CDYL: variants seen among roughly 807,000 people sequenced by gnomAD.
CDYL encodes the protein chromodomain Y-like protein.
Under a neutral mutation model 47.3 loss-of-function variants are expected in CDYL, and 8 were observed. That is an observed-to-expected ratio of 0.17 (90% CI 0.10 to 0.31). The LOEUF (loss-of-function observed/expected upper bound fraction) is 0.31. Ranked by LOEUF, CDYL falls within the 10% of genes least tolerant of loss-of-function variation. CDYL has a pLI of 1.00. For synonymous variants in CDYL, 266 were observed against 265.0 expected (o/e 1.00, Z -0.04); for missense variants, 471 against 701.4 (o/e 0.67, Z 3.71).
intron 1 of CDYL, among the ~76,000 whole-genome samples, chr6:4,874,164 G>C (rs774645006): frequency 6.6e-6 from 1 of 151,754 alleles, no homozygotes. Context: ...GAGGTTAAAC[G>C]TTACTCATAT....
At chr6:4,796,581 G>A (rs763592349) in intron 1 of CDYL, among the ~76,000 whole-genome samples, 2 of 152,144 alleles carry the variant, frequency 1.3e-5, no homozygotes. Flanking sequence ...CTAGGCTTTA[G>A]ATGTATACAA....
intron 2 of CDYL, among the ~76,000 whole-genome samples, chr6:4,922,722 T>A (rs1250482915): frequency 2.0e-5 from 3 of 152,268 alleles, no homozygotes; most frequent in Admixed American, 1.3e-4. Flanking sequence ...GAATTGTTAC[T>A]GCTGCTGCAA....
intron 1 of CDYL, among the ~76,000 whole-genome samples, chr6:4,797,822 C>T (rs1438420298): frequency 6.6e-6 from 1 of 152,160 alleles, no homozygotes; most frequent in African/African-American, 2.4e-5. Context: ...CTTGTTTATC[C>T]ATTCGTCACT....
upstream of CDYL, among the ~76,000 whole-genome samples, chr6:4,775,892 C>A (rs1247244938): frequency 6.6e-6 from 1 of 150,466 alleles, no homozygotes; most frequent in Non-Finnish European, 1.5e-5. The surrounding 1 kb of genome is among the most constrained non-coding windows in gnomAD (Gnocchi z 7.0). Flanking sequence ...GAGGGAGGCG[C>A]GCGGTAGACG....
chr6:4,727,125 G>GT (rs762183284), intron 2 of CDYL, among the ~76,000 whole-genome samples: 4 of 152,074 alleles, frequency 2.6e-5, no homozygotes, highest in Non-Finnish European at 5.9e-5. Flanking sequence ...AACTCCAAAT[G>GT]TATCTCCACT....
At chr6:4,951,565 G>A (rs1758705316) in intron 5 of CDYL, among the ~76,000 whole-genome samples, 1 of 151,854 alleles carries the variant, frequency 6.6e-6, no homozygotes, top group Admixed American at 6.6e-5. Flanking sequence ...TCTCCACTGA[G>A]CCGTGTGAGG....
intron 2 of CDYL, among the ~76,000 whole-genome samples, chr6:4,895,996 C>CT (rs1372978461): frequency 6.6e-6 from 1 of 152,150 alleles, no homozygotes; most frequent in Non-Finnish European, 1.5e-5. Flanking sequence ...TTCCAAGGCC[C>CT]TCACCATCAT....
chr6:4,763,525 A>G (rs1758207194), intron 3 of CDYL, among the ~76,000 whole-genome samples: 1 of 151,516 alleles, frequency 6.6e-6, no homozygotes, highest in African/African-American at 2.4e-5. Context: ...TCCAGGAAAA[A>G]AATAAAAGTA....
At chr6:4,809,984 T>C (rs111515383) in intron 1 of CDYL, among the ~76,000 whole-genome samples, 8 of 151,358 alleles carry the variant, frequency 5.3e-5, no homozygotes, top group African/African-American at 7.3e-5. Flanking sequence ...TAGTCCTTGG[T>C]GATATTTTGT....
chr6:4,918,726 T>C (rs1757626508), intron 2 of CDYL, among the ~76,000 whole-genome samples: 1 of 151,920 alleles, frequency 6.6e-6, no homozygotes, highest in Admixed American at 6.5e-5. Context: ...CTCAGTGTTT[T>C]TAACTTTGAT....
intron 1 of CDYL, among the ~76,000 whole-genome samples, chr6:4,876,720 A>G (rs893939454): frequency 2.6e-5 from 4 of 152,160 alleles, no homozygotes; most frequent in South Asian, 2.1e-4. Flanking sequence ...TCATTATTCT[A>G]GAAACTTTTT....
At chr6:4,912,083 G>A (rs1757429961) in intron 2 of CDYL, among the ~76,000 whole-genome samples, 1 of 152,132 alleles carries the variant, frequency 6.6e-6, no homozygotes, top group Non-Finnish European at 1.5e-5. Context: ...ACATCCATAT[G>A]GAGCTGTAAA....
chr6:4,774,979 G>A (rs547841798), upstream of CDYL, among the ~76,000 whole-genome samples: 4 of 152,340 alleles, frequency 2.6e-5, no homozygotes, highest in South Asian at 8.3e-4. Flanking sequence ...CGTGGTGCTT[G>A]TTCCTGGGCG....
chr6:4,954,168 C>A lies in CDYL; in HGVS notation c.*112C>A. ...CTGAAACAAGCTCACCCGTAGCTTA[C>A]GCTTGGAAGCAGGACTGGGAACATC... On this transcript the variant is annotated 3_prime_UTR_variant, in exon 7 of 7. Transcript: ENST00000397588. The A allele has an allele frequency of 8.6e-7, 1 of 1,161,022 alleles. No homozygotes were observed. Among genetic ancestry groups the A allele is most frequent in the Non-Finnish European group, 1.2e-6 (1 of 839,960 alleles). 71.9% of individuals were successfully genotyped at this position (1,161,022 alleles called of 1,614,324 possible).
chr6:4,898,352 G>A (rs954362793), intron 2 of CDYL, among the ~76,000 whole-genome samples: 2 of 152,192 alleles, frequency 1.3e-5, no homozygotes, highest in Admixed American at 6.5e-5. Flanking sequence ...ACAGCAAACA[G>A]GCAATTAGAA....
intron 3 of CDYL, among the ~76,000 whole-genome samples, chr6:4,759,565 C>T (rs1003358933): frequency 6.6e-6 from 1 of 151,682 alleles, no homozygotes; most frequent in African/African-American, 2.4e-5. Flanking sequence ...ATTAAAAGAG[C>T]CCATTGATCT....
chr6:4,725,756 G>A (rs1037478045), intron 2 of CDYL, among the ~76,000 whole-genome samples: 1 of 152,256 alleles, frequency 6.6e-6, no homozygotes, highest in Non-Finnish European at 1.5e-5. Flanking sequence ...GGCTCCCACA[G>A]TGCAGCGGCG....
intron 1 of CDYL, among the ~76,000 whole-genome samples, chr6:4,831,716 G>C (rs1294387305): frequency 6.6e-6 from 1 of 152,188 alleles, no homozygotes; most frequent in Non-Finnish European, 1.5e-5. Flanking sequence ...CATGAGCATG[G>C]AATGTTCTTC....
At chr6:4,774,921 A>G (rs568426573), upstream of CDYL, among the ~76,000 whole-genome samples, 85 of 152,292 alleles carry the variant, frequency 5.6e-4, no homozygotes, top group Non-Finnish European at 8.7e-4. Context: ...AGGTAGAAGC[A>G]CCGCTTAAGG....
Sources: allele counts gnomAD v4.1 joint callset (sites outside exome capture counted in the v4.1 genomes callset), GRCh38; gene constraint gnomAD v4.1.1; non-coding constraint Gnocchi (gnomAD v3.1); transcripts MANE v1.5; gene names NCBI Gene and HGNC (gene_info 2026-07-23, HGNC 2026-07-21).